The following UTRN variants were observed in gnomAD, a reference collection of about 807,000 sequenced individuals.
UTRN encodes the protein dystrophin-related protein 1.
Under a neutral mutation model 463.9 loss-of-function variants are expected in UTRN, and 283 were observed. That is an observed-to-expected ratio of 0.61 (90% CI 0.55 to 0.67). The LOEUF (loss-of-function observed/expected upper bound fraction) is 0.67, where lower values mean the gene tolerates loss of function less well. Ranked by LOEUF, UTRN falls within the 30% of genes least tolerant of loss-of-function variation. The pLI is 0.00. For synonymous variants in UTRN, 1,442 were observed against 1,431.5 expected (o/e 1.01, Z -0.17); for missense variants, 3,922 against 4,084.3 (o/e 0.96, Z 1.08).
chr6:144,299,549 C>T (rs765001998), intron 2 of UTRN, among the ~76,000 whole-genome samples: 92 of 151,462 alleles, frequency 6.1e-4, no homozygotes, highest in Non-Finnish European at 6.3e-4. Context: ...TATTTTGGCC[C>T]ATTGAACCAG....
intron 53 of UTRN, among the ~76,000 whole-genome samples, chr6:144,726,347 A>T (rs1341561710): frequency 2.6e-5 from 4 of 152,078 alleles, no homozygotes; most frequent in Non-Finnish European, 4.4e-5. Flanking sequence ...GCACACTGTG[A>T]CACTCCTGCA....
At chr6:144,509,608 A>G (rs1246061748) in intron 34 of UTRN, among the ~76,000 whole-genome samples, 1 of 152,132 alleles carries the variant, frequency 6.6e-6, no homozygotes, top group African/African-American at 2.4e-5. Flanking sequence ...ATATATTAAT[A>G]ACCACCATCT....
At chr6:144,839,137 T>C in intron 71 of UTRN, 36 bp from the exon 72 acceptor site, 1 of 1,520,212 alleles carries the variant, frequency 6.6e-7, no homozygotes, top group Non-Finnish European at 9.1e-7. Context: ...ATTATTTGAA[T>C]CCTTTCTCTG....
chr6:144,424,865 A>G (rs539864111), intron 6 of UTRN, among the ~76,000 whole-genome samples: 228 of 152,322 alleles, frequency 1.5e-3, no homozygotes, highest in African/African-American at 5.4e-3. Flanking sequence ...TGTAAACACA[A>G]TAGCATATTG....
chr6:144,486,073 C>T (rs1792413424), intron 28 of UTRN, among the ~76,000 whole-genome samples: 1 of 152,158 alleles, frequency 6.6e-6, no homozygotes, highest in African/African-American at 2.4e-5. Flanking sequence ...CACATGTTAA[C>T]TTAATAACCG....
intron 21 of UTRN, 122 bp downstream of exon 21, chr6:144,459,476 C>T (rs895200463): frequency 5.4e-6 from 6 of 1,105,558 alleles, no homozygotes; most frequent in South Asian, 1.8e-5. Flanking sequence ...TTCCTTTGTG[C>T]CTGTATTGTT....
At chr6:144,737,829 G>GTT (rs10714100) in intron 54 of UTRN, among the ~76,000 whole-genome samples, 3 of 147,582 alleles carry the variant, frequency 2.0e-5, no homozygotes, top group African/African-American at 7.3e-5. Flanking sequence ...CAATTGAACT[G>GTT]TTTTTTTTTT....
At chr6:144,738,973 G>A (rs931847913) in intron 54 of UTRN, among the ~76,000 whole-genome samples, 2 of 152,132 alleles carry the variant, frequency 1.3e-5, no homozygotes, top group South Asian at 4.1e-4. Context: ...GTGTATGTGT[G>A]TATGTGCATA....
chr6:144,738,760 C>T (rs1036616084), intron 54 of UTRN, among the ~76,000 whole-genome samples: 3 of 152,186 alleles, frequency 2.0e-5, no homozygotes, highest in African/African-American at 7.2e-5. Flanking sequence ...CCTCAGGAAT[C>T]ATCTTTAAAA....
rs143018132 is a variant in UTRN, at chr6:144,676,580, G to T, written c.7480-1826G>T. ...TGGGATACATATGCAAAATGTGCAG[G>T]TTTGTTACATAGGTATACATGTGCC... On this transcript the variant is annotated intron_variant, in intron 51 of 74. Transcript: ENST00000367545. Among the ~76,000 whole-genome samples the T allele has an allele frequency of 3.6e-3, 553 of 151,612 alleles. 4 individuals are homozygous for T. Among genetic ancestry groups the T allele is most frequent in the African/African-American group, 0.013 (531 of 41,284 alleles).
rs1242189217 is a variant in UTRN at position 144,730,380 on chromosome 6, G to A, written c.7833G>A (p.Glu2611=). ...HCKALRRELK[E]KEYSVLNAVD... is the part of the protein sequence containing the mutation. Reference sequence around the variant, plus strand: ...AGGCCCTGAGACGGGAGTTAAAGGAGAAAGAATATTCTGTCCTGAATGCTG... The same window carrying A: ...AGGCCCTGAGACGGGAGTTAAAGGAAAAAGAATATTCTGTCCTGAATGCTG... Residue 2611 remains glutamate (E), a synonymous_variant, in exon 54 of 75, where the codon GAG becomes GAA. Transcript: ENST00000367545. 1 of 1,607,622 alleles carries A rather than the reference G, an allele frequency of 6.2e-7. No individual in the cohort carries two copies. Among genetic ancestry groups the A allele is most frequent in the Non-Finnish European group, 8.5e-7 (1 of 1,176,718 alleles).
rs907360156 is a variant in UTRN, at chr6:144,458,933, A to C, written c.2448A>C (p.Thr816=). 7 of 1,613,776 alleles carry C rather than the reference A, an allele frequency of 4.3e-6. No individual in the cohort carries two copies. Among genetic ancestry groups the C allele is most frequent in the Admixed American group, 1.7e-5 (1 of 59,920 alleles). ...QLDELEKVIK[T]KEEWVKHTSI... is the part of the protein sequence containing the mutation. ...ATGAGCTTGAAAAGGTCATCAAGAC[A>C]AAGGAGGAGTGGGTAAAACACACTT... Residue 816 remains threonine, a synonymous_variant, in exon 20 of 75, where the codon ACA becomes ACC. Transcript: ENST00000367545.
chr6:144,814,697 T>C (rs1178660956), intron 65 of UTRN, among the ~76,000 whole-genome samples: 1 of 152,092 alleles, frequency 6.6e-6, no homozygotes, highest in African/African-American at 2.4e-5. Context: ...GAAAAGTAAA[T>C]CTATATTTTA....
intron 19 of UTRN, among the ~76,000 whole-genome samples, chr6:144,455,671 T>TG (rs1304285377): frequency 6.6e-6 from 1 of 152,188 alleles, no homozygotes; most frequent in Admixed American, 6.5e-5. Flanking sequence ...ATTGGGGGAA[T>TG]GGGCAAACTT....
At chr6:144,652,575 C>T (rs138837690) in intron 51 of UTRN, among the ~76,000 whole-genome samples, 43 of 152,244 alleles carry the variant, frequency 2.8e-4, no homozygotes, top group Middle Eastern at 6.8e-3. Flanking sequence ...CATTTTCAAG[C>T]GTTATCAATG....
In UTRN at chr6:144,482,324, A is replaced by C. The variant is rs1255640149; in HGVS notation, c.3623A>C (p.Asn1208Thr). The change falls in exon 27 of 75, where the codon AAT becomes ACT. Residue 1208 changes from asparagine (N) to threonine (T), a missense_variant. Asn to Thr is a moderately conservative substitution (Grantham distance 65). Around this residue, in one of 3 missense-constraint regions of UTRN, gnomAD observed 2,349 missense variants for 2,303.8 expected, o/e 1.02. Transcript: ENST00000367545. The stretch of plus-strand genomic sequence containing the variant: ...GGCCAGGAGTTGACGTCTGAGCTGA[A>C]TGTTGTGCTGGAGAATTACCAACTT... ...SGGQELTSEL[N>T]VVLENYQLLC... 6.2e-7 allele frequency: 1 copy of C among 1,607,932 alleles called. No individual in the cohort carries two copies. Among genetic ancestry groups the C allele is most frequent in the South Asian group, 1.1e-5 (1 of 89,370 alleles).
rs138798994 is a variant in UTRN at position 144,308,470 on chromosome 6, T to C, written c.79+16563T>C. On this transcript the variant is annotated intron_variant, in intron 2 of 74. Transcript: ENST00000367545. ...ACGCCTGGCTAATTTTTGTATTTTT[T>C]TTTGTAGATAAGAGGTTTCACCATG... Among the ~76,000 whole-genome samples the C allele has an allele frequency of 1.2e-3, 178 of 152,212 alleles. 1 individual carries two copies. In the East Asian group the frequency reaches 0.03, roughly 25 times the overall value.
intron 72 of UTRN, among the ~76,000 whole-genome samples, chr6:144,839,591 A>G (rs955095144): frequency 2.9e-4 from 44 of 152,298 alleles, no homozygotes; most frequent in Middle Eastern, 3.4e-3. Flanking sequence ...TTTTTTTAGT[A>G]CACTTTCTGT....
intron 51 of UTRN, among the ~76,000 whole-genome samples, chr6:144,651,361 G>A (rs988499184): frequency 6.6e-6 from 1 of 152,120 alleles, no homozygotes; most frequent in African/African-American, 2.4e-5. Flanking sequence ...TGTCTTTCTT[G>A]ATAAGAGTGT....
Sources: gnomAD v4.1 joint callset for allele counts (sites outside exome capture counted in the v4.1 genomes callset) on GRCh38, gnomAD v4.1.1 for gene constraint, gnomAD v4.1.1 regional missense constraint, MANE v1.5 for transcripts, NCBI Gene and HGNC (gene_info 2026-07-23, HGNC 2026-07-21) for gene names.